The following CNTNAP4 variants were observed in gnomAD, a reference collection of about 807,000 sequenced individuals.
The protein encoded by CNTNAP4 is contactin associated protein family member 4.
CNTNAP4 carries 98 observed loss-of-function variants against 148.4 expected under a neutral mutation model. The observed-to-expected ratio is 0.66, with a 90% CI of 0.56 to 0.78. The LOEUF (loss-of-function observed/expected upper bound fraction) is 0.78. CNTNAP4 is among the 30% of genes least tolerant of loss of function. CNTNAP4 has a pLI of 0.00. For synonymous variants in CNTNAP4, 730 were observed against 565.1 expected, an observed-to-expected ratio of 1.29 and a Z score of -4.14; for missense variants, 1,935 against 1,565.6, an observed-to-expected ratio of 1.24 and a Z score of -3.98.
At chr16:76,347,495 T>C (rs1965006528) in intron 2 of CNTNAP4, among the ~76,000 whole-genome samples, 1 of 145,618 alleles carries the variant, frequency 6.9e-6, no homozygotes, top group Non-Finnish European at 1.5e-5. Context: ...ATAAAAATCA[T>C]ATGCTATATA....
chr16:76,483,013 T>C (rs2081892405), intron 12 of CNTNAP4, among the ~76,000 whole-genome samples: 2 of 151,438 alleles, frequency 1.3e-5, no homozygotes, highest in South Asian at 4.2e-4. Flanking sequence ...GTGTAAGATA[T>C]GAATTCCAGT....
intron 17 of CNTNAP4, among the ~76,000 whole-genome samples, chr16:76,534,600 A>T (rs569701821): frequency 2.0e-5 from 3 of 152,306 alleles, no homozygotes; most frequent in South Asian, 2.1e-4. Context: ...TTACACTTCT[A>T]TCAGGGTAGT....
chr16:76,501,825 C>G (rs755753262), intron 15 of CNTNAP4, among the ~76,000 whole-genome samples: 2 of 152,180 alleles, frequency 1.3e-5, no homozygotes, highest in Non-Finnish European at 2.9e-5. Context: ...AATCCCAGCA[C>G]TTTGGGAGGC....
chr16:76,416,609 G>T (rs1304680854), intron 3 of CNTNAP4, among the ~76,000 whole-genome samples: 1 of 151,274 alleles, frequency 6.6e-6, no homozygotes, highest in Non-Finnish European at 1.5e-5. Context: ...AGCATACATT[G>T]TATGATTTCT....
At chr16:76,345,450 A>G (rs965092064) in intron 2 of CNTNAP4, among the ~76,000 whole-genome samples, 3 of 152,234 alleles carry the variant, frequency 2.0e-5, no homozygotes, top group African/African-American at 2.4e-5. Context: ...AGGCTATTCA[A>G]AAGTATTGTG....
At chr16:76,555,227 C>G (rs753387962) in intron 23 of CNTNAP4, among the ~76,000 whole-genome samples, 6 of 152,072 alleles carry the variant, frequency 3.9e-5, no homozygotes, top group Non-Finnish European at 5.9e-5. Flanking sequence ...TAATACCAGT[C>G]AAATCTTTGT....
At chr16:76,494,809 C>T in intron 13 of CNTNAP4, 101 bp from the exon 14 acceptor site, 1 of 1,246,352 alleles carries the variant, frequency 8.0e-7, no homozygotes. Flanking sequence ...TCCTTTTCTC[C>T]TTTTATTCTT....
chr16:76,482,535 T>C (rs868088641), intron 12 of CNTNAP4, among the ~76,000 whole-genome samples: 2 of 152,062 alleles, frequency 1.3e-5, no homozygotes, highest in Non-Finnish European at 2.9e-5. Flanking sequence ...TACTAATGAA[T>C]GTTTAGTTCT....
intron 8 of CNTNAP4, among the ~76,000 whole-genome samples, chr16:76,459,258 A>G (rs1192333747): frequency 6.6e-6 from 1 of 152,208 alleles, no homozygotes. Context: ...TGACAAATCT[A>G]GGACATCTGA....
chr16:76,391,643 A>G (rs141520153), intron 3 of CNTNAP4, among the ~76,000 whole-genome samples: 151 of 152,234 alleles, frequency 9.9e-4, no homozygotes, highest in African/African-American at 3.4e-3. Context: ...GATCTACCCA[A>G]TCAGAACCTC....
chr16:76,412,451 C>G (rs2078832910), intron 3 of CNTNAP4, among the ~76,000 whole-genome samples: 1 of 151,072 alleles, frequency 6.6e-6, no homozygotes, highest in African/African-American at 2.4e-5. Flanking sequence ...GAAATTATAC[C>G]AATTTATATT....
At chr16:76,350,585 A>G (rs17699048) in intron 2 of CNTNAP4, among the ~76,000 whole-genome samples, 28,523 of 152,146 alleles carry the variant, frequency 0.19, 3,506 homozygotes, top group East Asian at 0.49. Context: ...TTTGCGGTCA[A>G]TCAGTTACAA....
chr16:76,497,503 T>C (rs1597736184), intron 14 of CNTNAP4, among the ~76,000 whole-genome samples: 1 of 151,940 alleles, frequency 6.6e-6, no homozygotes, highest in South Asian at 2.1e-4. Flanking sequence ...AGAAATCATA[T>C]GGGGGGCAGC....
intron 17 of CNTNAP4, among the ~76,000 whole-genome samples, chr16:76,525,481 A>G (rs2083680338): frequency 6.7e-6 from 1 of 148,186 alleles, no homozygotes; most frequent in South Asian, 2.1e-4. Flanking sequence ...GAAAAAATAT[A>G]TATATAACTA....
chr16:76,529,470 T>A (rs571183202), intron 17 of CNTNAP4, among the ~76,000 whole-genome samples: 6 of 152,210 alleles, frequency 3.9e-5, no homozygotes, highest in African/African-American at 1.4e-4. Context: ...TCAATCATTT[T>A]TAAAGCTGAA....
intron 2 of CNTNAP4, among the ~76,000 whole-genome samples, chr16:76,338,555 C>A (rs1298586204): frequency 1.3e-5 from 2 of 152,176 alleles, no homozygotes; most frequent in Non-Finnish European, 2.9e-5. Flanking sequence ...CCTAACCATT[C>A]AGCCAGCAGT....
chr16:76,363,959 CA>C (rs941061605), intron 3 of CNTNAP4, among the ~76,000 whole-genome samples: 45 of 151,578 alleles, frequency 3.0e-4, no homozygotes, highest in African/African-American at 9.9e-4. Flanking sequence ...ATATAATATA[CA>C]AAAAAATACA....
chr16:76,489,061 AT>A (rs1218353387), intron 12 of CNTNAP4, among the ~76,000 whole-genome samples: 1 of 152,178 alleles, frequency 6.6e-6, no homozygotes, highest in African/African-American at 2.4e-5. Flanking sequence ...TTCAAATTTA[AT>A]TTTAAAAAGA....
chr16:76,282,855 AC>A (rs1958738972), intron 1 of CNTNAP4, among the ~76,000 whole-genome samples: 1 of 151,370 alleles, frequency 6.6e-6, no homozygotes, highest in Non-Finnish European at 1.5e-5. Context: ...TCATTTAAAA[AC>A]CCATTTTCAT....
Sources: allele counts gnomAD v4.1 joint callset (sites outside exome capture counted in the v4.1 genomes callset), GRCh38; gene constraint gnomAD v4.1.1; transcripts MANE v1.5; gene names NCBI Gene and HGNC (gene_info 2026-07-23, HGNC 2026-07-21).